Variants in ASIC2 observed in about 807,000 individuals in gnomAD.
ASIC2 encodes the protein acid sensing ion channel subunit 2, also known as acid-sensing ion channel 2.
ASIC2 carries 25 observed loss-of-function variants against 57.3 expected under a neutral mutation model. The observed-to-expected ratio is 0.44, with a 90% CI of 0.32 to 0.61. The LOEUF (loss-of-function observed/expected upper bound fraction) is 0.61, where lower values mean the gene tolerates loss of function less well. Among genes scored for constraint, ASIC2 ranks in the 20% least tolerant of loss-of-function variants. The probability of loss-of-function intolerance (pLI) is 0.06; values close to 1 mark genes in which losing one functional copy is unlikely to be tolerated. For synonymous variants in ASIC2, 319 were observed against 307.5 expected, an observed-to-expected ratio of 1.04 and a Z score of -0.39; for missense variants, 641 against 738.1, an observed-to-expected ratio of 0.87 and a Z score of 1.52.
chr17:34,079,939 G>A (rs1018473759), intron 1 of ASIC2, among the ~76,000 whole-genome samples: 1 of 151,744 alleles, frequency 6.6e-6, no homozygotes, highest in African/African-American at 2.4e-5. Context: ...CCACTTTACC[G>A]GAATTTCTAT....
intron 1 of ASIC2, among the ~76,000 whole-genome samples, chr17:33,969,046 C>T (rs1262681147): frequency 6.6e-6 from 1 of 152,120 alleles, no homozygotes; most frequent in African/African-American, 2.4e-5. Context: ...GAGGCCCGGG[C>T]CCAGTGCTAA....
In ASIC2 at chr17:33,087,575, GTTTT is replaced by G. The variant is rs5820015; in HGVS notation, c.987+1284_987+1287del. Among the ~76,000 whole-genome samples the G allele has an allele frequency of 5.6e-3, 618 of 111,048 alleles. 7 individuals carry two copies. The highest frequency in any genetic ancestry group is 0.028 in the Middle Eastern group (5 of 178). The allele number at this position is 111,048 out of a possible 152,430, so 72.9% of individuals were successfully genotyped here. The stretch of plus-strand genomic sequence containing the variant: ...GCTCACGTATAGATTTACAACCAGT[GTTTT>G]TTTTTTTTTTTTTTTTGAGACAGGG... On this transcript the variant is annotated intron_variant, in intron 3 of 9. Transcript: ENST00000225823.
chr17:33,678,435 C>CCACA (rs71144896), intron 1 of ASIC2, among the ~76,000 whole-genome samples: 2,770 of 139,574 alleles, frequency 0.02, 32 homozygotes, highest in Non-Finnish European at 0.027. Context: ...CTGGTTCAAT[C>CCACA]CACACACACA....
intron 1 of ASIC2, among the ~76,000 whole-genome samples, chr17:33,369,437 C>T (rs1192788377): frequency 1.3e-5 from 2 of 152,196 alleles, no homozygotes; most frequent in South Asian, 4.1e-4. Flanking sequence ...AGTCACTTTA[C>T]TTTTTTGAGG....
At chr17:33,403,733 T>C (rs997419099) in intron 1 of ASIC2, among the ~76,000 whole-genome samples, 1 of 152,186 alleles carries the variant, frequency 6.6e-6, no homozygotes, top group Non-Finnish European at 1.5e-5. Context: ...CATCATCATT[T>C]GACATTACCC....
intron 1 of ASIC2, among the ~76,000 whole-genome samples, chr17:33,698,059 C>A (rs925720356): frequency 2.0e-5 from 3 of 152,182 alleles, no homozygotes; most frequent in Non-Finnish European, 4.4e-5. Context: ...TTATTAATTA[C>A]AAAATTAGAA....
At chr17:33,991,301 G>A (rs574354315) in intron 1 of ASIC2, among the ~76,000 whole-genome samples, 7 of 152,330 alleles carry the variant, frequency 4.6e-5, no homozygotes, top group African/African-American at 1.7e-4. Flanking sequence ...AGACATCAGA[G>A]AGGGGAAGTG....
intron 1 of ASIC2, among the ~76,000 whole-genome samples, chr17:33,774,057 T>A (rs915623173): frequency 6.6e-6 from 1 of 152,118 alleles, no homozygotes; most frequent in Admixed American, 6.5e-5. Flanking sequence ...AGAGGTAAAG[T>A]TACTGACATT....
At chr17:33,957,468 G>A (rs1397846873) in intron 1 of ASIC2, among the ~76,000 whole-genome samples, 1 of 152,252 alleles carries the variant, frequency 6.6e-6, no homozygotes, top group East Asian at 1.9e-4. Context: ...CCACATGGCT[G>A]GGGAGGCCTC....
At chr17:33,692,768 C>G (rs903305403) in intron 1 of ASIC2, among the ~76,000 whole-genome samples, 3 of 152,146 alleles carry the variant, frequency 2.0e-5, no homozygotes, top group African/African-American at 7.2e-5. Context: ...TCACTACAAA[C>G]ACATGAATAA....
intron 1 of ASIC2, among the ~76,000 whole-genome samples, chr17:33,787,016 A>C (rs1401031091): frequency 6.6e-6 from 1 of 152,216 alleles, no homozygotes; most frequent in Non-Finnish European, 1.5e-5. Context: ...TGGATGGATG[A>C]GACTGATTTA....
intron 3 of ASIC2, among the ~76,000 whole-genome samples, chr17:33,055,983 C>T (rs892514881): frequency 6.6e-6 from 1 of 152,190 alleles, no homozygotes; most frequent in African/African-American, 2.4e-5. Context: ...TCAGTTGTTT[C>T]TGGCATGGAC....
intron 1 of ASIC2, among the ~76,000 whole-genome samples, chr17:33,151,983 C>A (rs538889213): frequency 9.2e-5 from 14 of 152,198 alleles, no homozygotes; most frequent in Admixed American, 3.3e-4. Context: ...TGTTGTTTCC[C>A]CTTTGTGAAA....
At chr17:33,957,149 A>C (rs569673637) in intron 1 of ASIC2, among the ~76,000 whole-genome samples, 1 of 152,252 alleles carries the variant, frequency 6.6e-6, no homozygotes, top group African/African-American at 2.4e-5. Context: ...CCATGCCCCC[A>C]CTCATACACC....
At chr17:33,538,811 A>G (rs1040959364) in intron 1 of ASIC2, among the ~76,000 whole-genome samples, 5 of 152,234 alleles carry the variant, frequency 3.3e-5, no homozygotes, top group African/African-American at 1.2e-4. Context: ...TGAGGCTGTG[A>G]GGATGAGATA....
At chr17:34,072,848 C>T (rs762811042) in intron 1 of ASIC2, among the ~76,000 whole-genome samples, 10 of 152,050 alleles carry the variant, frequency 6.6e-5, no homozygotes, top group Non-Finnish European at 1.2e-4. Context: ...TACTCTTGGA[C>T]GTTTAGGTTT....
At chr17:33,453,123 C>T (rs972733632) in intron 1 of ASIC2, among the ~76,000 whole-genome samples, 9 of 152,004 alleles carry the variant, frequency 5.9e-5, no homozygotes, top group Non-Finnish European at 8.8e-5. Context: ...TCTTCCCTTC[C>T]TCCTCTGCAA....
chr17:33,104,873 A>C (rs569501642), intron 2 of ASIC2, among the ~76,000 whole-genome samples: 1 of 152,246 alleles, frequency 6.6e-6, no homozygotes, highest in Non-Finnish European at 1.5e-5. Context: ...GGAAGCTTAC[A>C]ACCTCTCTGG....
At chr17:34,112,888 C>T (rs1012395940) in intron 1 of ASIC2, among the ~76,000 whole-genome samples, 2 of 152,186 alleles carry the variant, frequency 1.3e-5, no homozygotes, top group Non-Finnish European at 2.9e-5. Context: ...GGTCTTATGG[C>T]TGAGCAGCTG....
Sources: gnomAD v4.1 joint callset for allele counts (sites outside exome capture counted in the v4.1 genomes callset) on GRCh38, gnomAD v4.1.1 for gene constraint, MANE v1.5 for transcripts, NCBI Gene and HGNC (gene_info 2026-07-23, HGNC 2026-07-21) for gene names.